Variants in DAB1 observed in about 807,000 individuals in gnomAD.
DAB1 encodes the protein disabled homolog 1.
Under a neutral mutation model 64.6 loss-of-function variants are expected in DAB1, and 15 were observed. The observed-to-expected ratio is 0.23, with a 90% CI of 0.16 to 0.36. The LOEUF (loss-of-function observed/expected upper bound fraction) is 0.36. Ranked by LOEUF, DAB1 falls within the 10% of genes least tolerant of loss-of-function variation. The pLI is 1.00. For synonymous variants in DAB1, 235 were observed against 251.9 expected (o/e 0.93, Z 0.64); for missense variants, 596 against 706.7 (o/e 0.84, Z 1.78).
chr1:57,115,883 C>T (rs979858815), intron 4 of DAB1, among the ~76,000 whole-genome samples: 4 of 152,156 alleles, frequency 2.6e-5, no homozygotes, highest in Non-Finnish European at 5.9e-5. Context: ...TGAAACATCT[C>T]TTCAAAGGGC....
chr1:58,359,661 A>C (rs1183124486), intron 3 of DAB1, among the ~76,000 whole-genome samples: 1 of 50,356 alleles, frequency 2.0e-5, no homozygotes, highest in Non-Finnish European at 5.0e-5. Context: ...GAAAGGTATG[A>C]GGAGGAGTTA....
At chr1:58,074,535 TATATATATACACAC>T (rs1649482738) in intron 5 of DAB1, 1 of 111,146 alleles carries the variant, frequency 9.0e-6, no homozygotes, top group African/African-American at 3.7e-5. Flanking sequence ...TATATATATA[TATATATATACACAC>T]ATATATATAT....
intron 3 of DAB1, among the ~76,000 whole-genome samples, chr1:58,394,464 C>T (rs1644502284): frequency 6.6e-6 from 1 of 152,164 alleles, no homozygotes; most frequent in African/African-American, 2.4e-5. Context: ...GGAAACAATC[C>T]AAATGTCCAT....
intron 9 of DAB1, among the ~76,000 whole-genome samples, chr1:57,031,741 G>C (rs1646971960): frequency 6.6e-6 from 1 of 152,232 alleles, no homozygotes; most frequent in Non-Finnish European, 1.5e-5. Flanking sequence ...GGGTTGCTAG[G>C]AGGTCTTCCA....
At position 57,548,734 on chromosome 1, in the gene DAB1, C is replaced by T. The variant is rs142342573; in HGVS notation, n.625+100858G>A. On this transcript the variant is annotated intron_variant and non_coding_transcript_variant, in intron 7 of 20. Transcript: ENST00000485760. Reference sequence around the variant, plus strand: ...GGCATACTTTTTGCCCCAGAGGGTACGGCACTGGGCCTACCAGATGGATAT... The same window carrying T: ...GGCATACTTTTTGCCCCAGAGGGTATGGCACTGGGCCTACCAGATGGATAT... Among the ~76,000 whole-genome samples, 23 of 152,230 alleles carry T rather than the reference C, an allele frequency of 1.5e-4. No individual in the cohort carries two copies. In the East Asian group the frequency reaches 2.1e-3, roughly 14 times the overall value.
chr1:57,753,341 A>T (rs978727781), intron 6 of DAB1, among the ~76,000 whole-genome samples: 1 of 152,148 alleles, frequency 6.6e-6, no homozygotes, highest in Non-Finnish European at 1.5e-5. Context: ...CACTGGACCT[A>T]ATGAGAACTG....
At chr1:57,486,750 AGAG>A (rs1379772800) in intron 7 of DAB1, among the ~76,000 whole-genome samples, 2 of 152,274 alleles carry the variant, frequency 1.3e-5, no homozygotes, top group Admixed American at 1.3e-4. Flanking sequence ...AAGGAGATGC[AGAG>A]GAGAATGTCC....
chr1:58,507,634 A>T (rs1393411068), intron 2 of DAB1, among the ~76,000 whole-genome samples: 1 of 152,016 alleles, frequency 6.6e-6, no homozygotes, highest in Non-Finnish European at 1.5e-5. Context: ...TAACAAACAT[A>T]AATATTATTC....
intron 4 of DAB1, among the ~76,000 whole-genome samples, chr1:58,265,365 T>C (rs1661136213): frequency 6.6e-6 from 1 of 152,238 alleles, no homozygotes; most frequent in Non-Finnish European, 1.5e-5. Context: ...AGTCTCTTAG[T>C]GTAACTCTTT....
intron 1 of DAB1, among the ~76,000 whole-genome samples, chr1:57,329,660 C>CAAA (rs57801886): frequency 2.0e-5 from 2 of 101,046 alleles, no homozygotes; most frequent in Non-Finnish European, 3.7e-5. Context: ...TTGTCTCTTC[C>CAAA]AAAAAAAAAA....
At chr1:57,007,975 C>G (rs998961364) in intron 14 of DAB1, among the ~76,000 whole-genome samples, 3 of 152,206 alleles carry the variant, frequency 2.0e-5, no homozygotes, top group African/African-American at 7.2e-5. Context: ...CCAGACGTCC[C>G]CCATGTGTGT....
intron 4 of DAB1, among the ~76,000 whole-genome samples, chr1:58,283,423 T>C (rs540867318): frequency 6.6e-6 from 1 of 152,194 alleles, no homozygotes; most frequent in East Asian, 1.9e-4. Flanking sequence ...TCTGTCCCCA[T>C]AGCTTTCTAC....
intron 7 of DAB1, among the ~76,000 whole-genome samples, chr1:57,479,813 T>G (rs1176413710): frequency 6.6e-6 from 1 of 152,044 alleles, no homozygotes; most frequent in Non-Finnish European, 1.5e-5. Context: ...AAGCTATACT[T>G]CATATAAATC....
intron 9 of DAB1, among the ~76,000 whole-genome samples, chr1:57,026,790 A>G (rs529730203): frequency 1.2e-4 from 19 of 152,274 alleles, no homozygotes; most frequent in Non-Finnish European, 2.2e-4. Flanking sequence ...CTCCCCATCC[A>G]TCATATGGGA....
chr1:58,036,561 A>G (rs1319932553), intron 5 of DAB1, among the ~76,000 whole-genome samples: 2 of 152,202 alleles, frequency 1.3e-5, no homozygotes, highest in African/African-American at 2.4e-5. Context: ...AAGTCAAATT[A>G]ATACTTTTAT....
chr1:58,493,102 C>T (rs1377431781), intron 3 of DAB1, among the ~76,000 whole-genome samples: 1 of 152,198 alleles, frequency 6.6e-6, no homozygotes, highest in Non-Finnish European at 1.5e-5. Context: ...GGATGCAAGG[C>T]TGGTTCAACA....
chr1:58,162,466 C>T (rs984192688), intron 4 of DAB1, among the ~76,000 whole-genome samples: 4 of 151,928 alleles, frequency 2.6e-5, no homozygotes, highest in African/African-American at 9.7e-5. Flanking sequence ...TGTGCACATA[C>T]AGAAAATTCA....
intron 3 of DAB1, among the ~76,000 whole-genome samples, chr1:58,386,612 A>G (rs1009447435): frequency 1.3e-5 from 2 of 152,160 alleles, no homozygotes; most frequent in African/African-American, 4.8e-5. Flanking sequence ...TTCTAGTTCT[A>G]TGACTTTCAG....
At chr1:57,185,711 C>T (rs1240378026) in intron 2 of DAB1, among the ~76,000 whole-genome samples, 2 of 152,122 alleles carry the variant, frequency 1.3e-5, no homozygotes, top group Admixed American at 1.3e-4. Flanking sequence ...ATGCTGTCTC[C>T]GAAGTAAGAA....
Sources: allele counts gnomAD v4.1 joint callset (sites outside exome capture counted in the v4.1 genomes callset), GRCh38; gene constraint gnomAD v4.1.1; transcripts MANE v1.5; gene names NCBI Gene and HGNC (gene_info 2026-07-23, HGNC 2026-07-21).